ZNF143: variants seen among roughly 807,000 people sequenced by gnomAD.
ZNF143 encodes the protein SPH-binding factor.
A neutral mutation model predicts 74.1 loss-of-function variants in ZNF143; 49 were observed. The observed-to-expected ratio is 0.66, with a 90% confidence interval of 0.53 to 0.84. The LOEUF (loss-of-function observed/expected upper bound fraction) is 0.84, where lower values mean the gene tolerates loss of function less well. Among genes scored for constraint, ZNF143 ranks in the 40% least tolerant of loss-of-function variants. The pLI, the probability that ZNF143 is intolerant of heterozygous loss-of-function variation, is 0.00. For missense variants in ZNF143, 637 were observed against 793.4 expected, an observed-to-expected ratio of 0.80 and a Z score of 2.37; for synonymous variants, 304 against 282.8, an observed-to-expected ratio of 1.07 and a Z score of -0.75.
intron 5 of ZNF143, among the ~76,000 whole-genome samples, chr11:9,476,829 G>A (rs567818294): frequency 1.0e-4 from 12 of 120,326 alleles, no homozygotes; most frequent in African/African-American, 1.3e-4. Context: ...GTGCGATCTC[G>A]GCTCACTGCA....
At chr11:9,475,901 A>T (rs1296250981) in intron 5 of ZNF143, among the ~76,000 whole-genome samples, 2 of 86,848 alleles carry the variant, frequency 2.3e-5, no homozygotes, top group East Asian at 4.9e-4. Context: ...CTGTCTCAAA[A>T]AAATATATAT....
At chr11:9,518,704 TGA>T (rs143868158) in intron 14 of ZNF143, among the ~76,000 whole-genome samples, 16,528 of 148,104 alleles carry the variant, frequency 0.11, 1,132 homozygotes, top group Non-Finnish European at 0.15. Flanking sequence ...GCAAAAAGAG[TGA>T]GACTCCGTCT....
At chr11:9,495,741 C>G (rs574841609) in intron 8 of ZNF143, among the ~76,000 whole-genome samples, 1 of 152,306 alleles carries the variant, frequency 6.6e-6, no homozygotes, top group East Asian at 1.9e-4. Context: ...ATACCTTACA[C>G]GTAAAGTACT....
intron 10 of ZNF143, among the ~76,000 whole-genome samples, chr11:9,498,840 A>G (rs568775958): frequency 2.9e-4 from 44 of 152,334 alleles, no homozygotes; most frequent in African/African-American, 1.1e-3. Context: ...GCTAATTTCC[A>G]TGTAGGATTC....
intron 13 of ZNF143, among the ~76,000 whole-genome samples, chr11:9,515,235 A>T (rs1848681260): frequency 6.6e-6 from 1 of 152,266 alleles, no homozygotes; most frequent in East Asian, 1.9e-4. Context: ...AACATAGAGG[A>T]TGGTTAGGGA....
chr11:9,462,747 C>T (rs1402251721), intron 1 of ZNF143, among the ~76,000 whole-genome samples: 2 of 151,838 alleles, frequency 1.3e-5, no homozygotes, highest in Non-Finnish European at 2.9e-5. Context: ...TGGTGGCAGG[C>T]GCCTGTAATC....
intron 8 of ZNF143, 114 bp downstream of exon 8, chr11:9,494,879 C>G: frequency 8.7e-7 from 1 of 1,146,942 alleles, no homozygotes; most frequent in Non-Finnish European, 1.2e-6. Flanking sequence ...TATCAAGATA[C>G]TGGCACTTGG....
rs1848425780 is a variant in ZNF143, at chr11:9,508,129, T to TTTTGATTGGATG, written c.1148-489_1148-488insTTGATTGGATGT. ...TTTTGATTGGATGTAAGAAGTCAGG[T>TTTTGATTGGATG]TAAGTTAAATGAAACATGTTTGTCC... On this transcript the variant is annotated intron_variant, in intron 11 of 15. Coordinates refer to ENST00000396602, the MANE Select transcript of ZNF143 (RefSeq NM_003442.6). 5.9e-5 allele frequency among the ~76,000 whole-genome samples: 9 copies of TTTTGATTGGATG among 152,358 alleles called. No homozygotes were observed. The South Asian group carries it at 1.0e-3, about 18-fold the overall frequency.
chr11:9,466,625 G>A (rs1366286399), intron 1 of ZNF143, among the ~76,000 whole-genome samples: 1 of 151,542 alleles, frequency 6.6e-6, no homozygotes, highest in Non-Finnish European at 1.5e-5. Flanking sequence ...ATTTTCCGTA[G>A]AGACAGGGTT....
rs544497040 is a variant in ZNF143, at chr11:9,485,347, C to CTTTT, written c.645+5819_645+5822dup. ...TTTGTTGTTGTTTTTTTCTCTCTCTCTTTTTTTTTTTTTTTTTTTTTGAGA... is the reference window on the plus strand; with the variant it reads ...TTTGTTGTTGTTTTTTTCTCTCTCTCTTTTTTTTTTTTTTTTTTTTTTTTTGAGA... On this transcript the variant is annotated intron_variant, in intron 7 of 15. Transcript: ENST00000396602. Among the ~76,000 whole-genome samples the CTTTT allele has an allele frequency of 2.0e-3, 221 of 110,384 alleles. 1 individual carries two copies. The highest frequency in any genetic ancestry group is 2.6e-3 in the Non-Finnish European group (140 of 53,434). 72.4% of individuals were successfully genotyped at this position (110,384 alleles called of 152,430 possible). A position where few individuals can be genotyped will look rare whatever the true frequency, so the allele number is the denominator to read the frequency against.
At chr11:9,500,973 A>C (rs1019530418) in intron 10 of ZNF143, 118 bp from the exon 11 acceptor site, 4 of 1,224,666 alleles carry the variant, frequency 3.3e-6, no homozygotes, top group Non-Finnish European at 4.6e-6. Context: ...CTGAAAGGGA[A>C]GCTCAGCACA....
chr11:9,522,530 G>T lies in ZNF143; in HGVS notation c.1687-2710G>T, dbSNP rs368699448. 3.2e-4 allele frequency among the ~76,000 whole-genome samples: 49 copies of T among 152,256 alleles called. 1 individual carries two copies. Among genetic ancestry groups the T allele is most frequent in the African/African-American group, 1.1e-3 (44 of 41,564 alleles). On this transcript the variant is annotated intron_variant, in intron 14 of 15. Coordinates refer to ENST00000396602, the MANE Select transcript of ZNF143 (RefSeq NM_003442.6). ...TTTTTTTGAGACAGTTTTCGCTTTT[G>T]TTGCCCAGGCCGGAGTGCAATGGCA...
intron 11 of ZNF143, among the ~76,000 whole-genome samples, chr11:9,507,788 T>C (rs1199021048): frequency 6.6e-6 from 1 of 152,232 alleles, no homozygotes; most frequent in African/African-American, 2.4e-5. Flanking sequence ...CTGGGACCCA[T>C]CTTTTTGGTA....
chr11:9,496,201 A>AAT, intron 8 of ZNF143, 102 bp from the exon 9 acceptor site: 1 of 998,072 alleles, frequency 1.0e-6, no homozygotes. Context: ...AAAGCATACA[A>AAT]CAAAATCATT....
At chr11:9,475,536 C>T (rs1268749334) in intron 5 of ZNF143, among the ~76,000 whole-genome samples, 1 of 152,210 alleles carries the variant, frequency 6.6e-6, no homozygotes, top group Non-Finnish European at 1.5e-5. Context: ...CTGCTCCGAC[C>T]TCCCAAAGCA....
intron 2 of ZNF143, 35 bp from the exon 3 acceptor site, chr11:9,472,642 G>C: frequency 6.4e-7 from 1 of 1,561,722 alleles, no homozygotes; most frequent in Non-Finnish European, 8.8e-7. Context: ...CCATATGCTA[G>C]CTGTCTAAAG....
At chr11:9,473,849 T>A in intron 3 of ZNF143, 92 bp from the exon 4 acceptor site, 2 of 1,609,758 alleles carry the variant, frequency 1.2e-6, no homozygotes, top group Non-Finnish European at 1.7e-6. Flanking sequence ...GCTTAAGTTG[T>A]GTATGTTTTT....
chr11:9,486,423 T>TATATATTATATATATATA (rs1847532976), intron 7 of ZNF143, among the ~76,000 whole-genome samples: 2 of 38,082 alleles, frequency 5.3e-5, no homozygotes, highest in East Asian at 1.2e-3. Flanking sequence ...ATATATATTA[T>TATATATTATATATATATA]ATATATTATA....
At chr11:9,507,882 A>G (rs1027520572) in intron 11 of ZNF143, among the ~76,000 whole-genome samples, 5 of 152,236 alleles carry the variant, frequency 3.3e-5, no homozygotes, top group Admixed American at 6.5e-5. Context: ...GGTAGTAAAT[A>G]TAAGAAACAA....
Sources: allele counts gnomAD v4.1 joint callset (sites outside exome capture counted in the v4.1 genomes callset), GRCh38; gene constraint gnomAD v4.1.1; transcripts MANE v1.5; gene names NCBI Gene and HGNC (gene_info 2026-07-23, HGNC 2026-07-21).